Variants in TNFAIP8 observed in about 807,000 individuals in gnomAD.
TNFAIP8 encodes tumor necrosis factor alpha-induced protein 8.
In TNFAIP8, 7 loss-of-function variants were observed where a neutral mutation model predicts 13.3. That is an observed-to-expected ratio of 0.52 (90% CI 0.30 to 0.99). TNFAIP8 has a LOEUF of 0.99. Among genes scored for constraint, TNFAIP8 ranks in the 50% least tolerant of loss-of-function variants. The probability of loss-of-function intolerance (pLI) is 0.07; values close to 1 mark genes in which losing one functional copy is unlikely to be tolerated. For synonymous variants in TNFAIP8, 94 were observed against 87.6 expected (o/e 1.07, Z -0.41); for missense variants, 258 against 236.9 (o/e 1.09, Z -0.58).
At chr5:119,347,902 C>T (rs544247647) in intron 1 of TNFAIP8, among the ~76,000 whole-genome samples, 63 of 152,266 alleles carry the variant, frequency 4.1e-4, no homozygotes, top group African/African-American at 1.4e-3. Flanking sequence ...AACTCAATGC[C>T]AAAATCAAAT....
chr5:119,355,678 C>CTT, upstream of TNFAIP8: 1 of 344,762 alleles, frequency 2.9e-6, no homozygotes, highest in East Asian at 4.6e-5. Flanking sequence ...TGAGATGAGA[C>CTT]TTTTTTTTTC....
At chr5:119,373,044 G>A (rs1752147056) in intron 1 of TNFAIP8, among the ~76,000 whole-genome samples, 1 of 152,106 alleles carries the variant, frequency 6.6e-6, no homozygotes, top group African/African-American at 2.4e-5. Flanking sequence ...TCTCTACCAT[G>A]CTGACCTTGG....
At chr5:119,350,129 C>T (rs2112753347) in intron 1 of TNFAIP8, among the ~76,000 whole-genome samples, 2 of 152,278 alleles carry the variant, frequency 1.3e-5, no homozygotes, top group South Asian at 4.1e-4. Context: ...CTAAGTACAT[C>T]CAGCCCTCCA....
At chr5:119,278,398 T>A (rs1748526328) in intron 1 of TNFAIP8, among the ~76,000 whole-genome samples, 2 of 150,274 alleles carry the variant, frequency 1.3e-5, no homozygotes, top group Non-Finnish European at 2.9e-5. Context: ...TGTGTGTGTG[T>A]GTGTGTGTGT....
intron 1 of TNFAIP8, among the ~76,000 whole-genome samples, chr5:119,272,157 C>G (rs1748311367): frequency 6.6e-6 from 1 of 152,170 alleles, no homozygotes; most frequent in Non-Finnish European, 1.5e-5. Context: ...GTAGATAATT[C>G]TAGAATAGCA....
intron 1 of TNFAIP8, among the ~76,000 whole-genome samples, chr5:119,381,944 G>A (rs539521072): frequency 4.9e-4 from 74 of 151,830 alleles, no homozygotes; most frequent in African/African-American, 1.3e-3. Flanking sequence ...AAAAAACACC[G>A]AACAAAAAAC....
In TNFAIP8 at chr5:119,392,831, T is replaced by G; in HGVS notation, c.47T>G (p.Phe16Cys). The G allele has an allele frequency of 6.5e-7, 1 of 1,547,810 alleles. No individual in the cohort carries two copies. Among genetic ancestry groups the G allele is most frequent in the Non-Finnish European group, 8.7e-7 (1 of 1,145,776 alleles). The change falls in exon 2 of 2, where the codon TTT becomes TGT. Residue 16 changes from phenylalanine (F) to cysteine (C), a missense_variant. Transcript: ENST00000504771. ...TTTTTTTTAGTGGCCACAGATGTCT[T>G]TAATTCCAAAAACCTGGCCGTTCAG... ...EESKEVATDVFNSKNLAVQAQ... is the reference protein window; with the variant it reads ...EESKEVATDVCNSKNLAVQAQ...
At chr5:119,275,014 T>A (rs80038503) in intron 1 of TNFAIP8, among the ~76,000 whole-genome samples, 3 of 37,110 alleles carry the variant, frequency 8.1e-5, no homozygotes, top group East Asian at 2.6e-4. Flanking sequence ...TTTTTTTTAA[T>A]TTTTTTTTTT....
chr5:119,348,026 A>G (rs553306840), intron 1 of TNFAIP8, among the ~76,000 whole-genome samples: 4 of 152,278 alleles, frequency 2.6e-5, no homozygotes, highest in African/African-American at 7.2e-5. Flanking sequence ...TCACATTTCA[A>G]ATTTTGTTCA....
chr5:119,368,320 AG>A (rs1327997565), intron 1 of TNFAIP8, among the ~76,000 whole-genome samples: 1 of 151,854 alleles, frequency 6.6e-6, no homozygotes, highest in Non-Finnish European at 1.5e-5. Flanking sequence ...TTAAAAAGTA[AG>A]TTCATACTTT....
chr5:119,343,687 A>G (rs905099428), intron 1 of TNFAIP8, among the ~76,000 whole-genome samples: 3 of 152,226 alleles, frequency 2.0e-5, no homozygotes, highest in African/African-American at 7.2e-5. Context: ...CTCAAAGACA[A>G]CTAACATCAA....
chr5:119,381,625 G>A (rs1752488468), intron 1 of TNFAIP8, among the ~76,000 whole-genome samples: 1 of 152,012 alleles, frequency 6.6e-6, no homozygotes, highest in African/African-American at 2.4e-5. Flanking sequence ...CTTTTTCCTA[G>A]GATGTAGTAA....
intron 1 of TNFAIP8, among the ~76,000 whole-genome samples, chr5:119,269,205 T>G (rs1456601871): frequency 1.3e-5 from 2 of 152,214 alleles, no homozygotes; most frequent in African/African-American, 4.8e-5. Flanking sequence ...AACCACCTCC[T>G]GCCGTGAGCC....
intron 1 of TNFAIP8, among the ~76,000 whole-genome samples, chr5:119,344,151 G>A (rs890543531): frequency 2.6e-5 from 4 of 152,176 alleles, no homozygotes; most frequent in African/African-American, 7.2e-5. Flanking sequence ...GGTTTATTTG[G>A]CTCCTGATTC....
chr5:119,368,393 C>T (rs184813527), intron 1 of TNFAIP8, among the ~76,000 whole-genome samples: 32 of 150,146 alleles, frequency 2.1e-4, no homozygotes, highest in Non-Finnish European at 4.4e-5. Flanking sequence ...AAAACCCACA[C>T]TTTCTCTTCT....
chr5:119,288,041 AC>A (rs1298817782), intron 1 of TNFAIP8, among the ~76,000 whole-genome samples: 3 of 152,014 alleles, frequency 2.0e-5, no homozygotes, highest in Admixed American at 6.6e-5. Context: ...CAAACATACT[AC>A]CCCCATTACT....
intron 1 of TNFAIP8, among the ~76,000 whole-genome samples, chr5:119,282,644 C>T (rs1748666359): frequency 6.6e-6 from 1 of 152,254 alleles, no homozygotes; most frequent in Non-Finnish European, 1.5e-5. Context: ...TCTTTGTCTA[C>T]ACCCTGATCT....
At chr5:119,355,405 G>A (rs1160222037), upstream of TNFAIP8, 2 of 701,126 alleles carry the variant, frequency 2.9e-6, no homozygotes, top group South Asian at 1.5e-5. Context: ...AAGGGTGGAG[G>A]CCGCTCCACT....
At chr5:119,320,562 T>C (rs1480782506) in intron 1 of TNFAIP8, among the ~76,000 whole-genome samples, 1 of 152,196 alleles carries the variant, frequency 6.6e-6, no homozygotes, top group Non-Finnish European at 1.5e-5. Flanking sequence ...AAACCCTTTC[T>C]GTTAAGGTCA....
Sources: gnomAD v4.1 joint callset for allele counts (sites outside exome capture counted in the v4.1 genomes callset) on GRCh38, gnomAD v4.1.1 for gene constraint, MANE v1.5 for transcripts, NCBI Gene and HGNC (gene_info 2026-07-23, HGNC 2026-07-21) for gene names.